The following MYH3 variants were observed in gnomAD, a reference collection of about 807,000 sequenced individuals.
The protein encoded by MYH3 is myosin-3.
Under a neutral mutation model 238.0 loss-of-function variants are expected in MYH3, and 130 were observed. The ratio of observed to expected loss-of-function variants is 0.55; its 90% CI spans 0.47 to 0.63. The LOEUF is 0.63. MYH3 is among the 30% of genes least tolerant of loss of function. The pLI is 0.00. For missense variants in MYH3, 1,853 were observed against 2,374.9 expected, an observed-to-expected ratio of 0.78 and a Z score of 4.57; for synonymous variants, 880 against 924.1, an observed-to-expected ratio of 0.95 and a Z score of 0.86.
the MYH3 span, among the ~76,000 whole-genome samples, chr17:10,670,149 G>T: frequency 6.6e-6 from 1 of 152,140 alleles, no homozygotes; most frequent in Admixed American, 6.5e-5. This position sits in a 1 kb window ranked among gnomAD's most constrained non-coding sequence, Gnocchi z 7.0. Flanking sequence ...ATAGGCTTGA[G>T]TTCCGAAATG....
chr17:10,651,184 C>CA (rs35638998), intron 5 of MYH3, among the ~76,000 whole-genome samples: 6,777 of 105,952 alleles, frequency 0.064, 710 homozygotes, highest in African/African-American at 0.21. Flanking sequence ...GACTCCATCT[C>CA]AAAAAAAAAA....
chr17:10,667,496 A>G, the MYH3 span, among the ~76,000 whole-genome samples: 2 of 152,138 alleles, frequency 1.3e-5, no homozygotes, highest in East Asian at 3.9e-4. Context: ...AGCCTGGCCA[A>G]CGTGGTAAAA....
At chr17:10,637,601 C>T (rs1597484687) in intron 28 of MYH3, among the ~76,000 whole-genome samples, 1 of 152,278 alleles carries the variant, frequency 6.6e-6, no homozygotes, top group South Asian at 2.1e-4. Flanking sequence ...ACTCCTCTTT[C>T]TCTCTTATTC....
At position 10,631,623 on chromosome 17, in the gene MYH3, C is replaced by T. The variant is rs377092561; in HGVS notation, c.5274G>A (p.Lys1758=). The T allele has an allele frequency of 3.0e-4, 478 of 1,614,138 alleles. 1 individual carries two copies. The Middle Eastern group carries it at 3.1e-3, about 11-fold the overall frequency. ...GGAGACGCCTTACGTCCGTGATGGC[C>T]TTCTTGGCCTTCTCCTCAGCGTTCC... ...DARNAEEKAK[K]AITDAAMMAE... is the part of the protein sequence containing the mutation. The change falls in exon 36 of 41, where the codon AAG becomes AAA. Residue 1758 remains lysine, a synonymous_variant. Coordinates refer to ENST00000583535, the MANE Select transcript of MYH3 (RefSeq NM_002470.4).
rs2074243004 is a variant in MYH3 at position 10,638,908 on chromosome 17, C to T, written c.3304G>A (p.Gly1102Ser). ...TTGATTTTCTTCTGAAACTGGAGGC[C>T]CAGTGTCTGCTCATCTTCCACTTTG... The part of the protein sequence containing the change: ...QSKVEDEQTL[G>S]LQFQKKIKEL... Residue 1102 changes from glycine (G) to serine (S), a missense_variant, in exon 26 of 41, where the codon GGC (glycine) becomes AGC (serine). Around this residue, in one of 3 missense-constraint regions of MYH3, gnomAD observed 1,044 missense variants for 1,192.6 expected, o/e 0.88. Transcript: ENST00000583535. The T allele has an allele frequency of 1.2e-6, 2 of 1,614,102 alleles. No individual in the cohort carries two copies. The highest frequency in any genetic ancestry group is 8.5e-7 in the Non-Finnish European group (1 of 1,180,004).
chr17:10,651,166 C>T (rs997702706), intron 5 of MYH3, among the ~76,000 whole-genome samples: 2 of 115,954 alleles, frequency 1.7e-5, no homozygotes, highest in African/African-American at 6.7e-5. Flanking sequence ...GCCTGGGCAA[C>T]ATAGCAAGAC....
rs1434706615 is a variant in MYH3, at chr17:10,654,723, GC to G, written c.204+137del. The G allele has an allele frequency of 1.2e-6, 1 of 826,506 alleles. No homozygotes were observed. The highest frequency in any genetic ancestry group is 2.4e-5 in the East Asian group (1 of 41,128). 51.2% of individuals were successfully genotyped at this position (826,506 alleles called of 1,614,324 possible). A position where few individuals can be genotyped will look rare whatever the true frequency, so the allele number is the denominator to read the frequency against. ...TGCTTTCTCTGAGGATACCTGGGAAGCCCCAGGCTACATTGTATGCGGCATT... is the reference window on the plus strand; with the variant it reads ...TGCTTTCTCTGAGGATACCTGGGAAGCCCAGGCTACATTGTATGCGGCATT... On this transcript the variant is annotated intron_variant, in intron 3 of 40. Transcript: ENST00000583535. This position sits in a 1 kb window ranked among gnomAD's most constrained non-coding sequence, Gnocchi z 4.5.
At chr17:10,650,280 CT>C in intron 6 of MYH3, 93 bp downstream of exon 6, 2 of 1,368,236 alleles carry the variant, frequency 1.5e-6, no homozygotes, top group South Asian at 1.2e-5. Flanking sequence ...CCAGCCTGAT[CT>C]TTTTATTATA....
At chr17:10,632,135 G>A (rs1304913547) in intron 34 of MYH3, 119 bp from the exon 35 acceptor site, 15 of 1,317,034 alleles carry the variant, frequency 1.1e-5, no homozygotes, top group Non-Finnish European at 1.6e-5. Flanking sequence ...TGTTTTGTTT[G>A]TTTTGAGACA....
At chr17:10,659,726 A>G (rs1360984136), upstream of MYH3, among the ~76,000 whole-genome samples, 1 of 152,176 alleles carries the variant, frequency 6.6e-6, no homozygotes, top group Non-Finnish European at 1.5e-5. Context: ...ATGAGGGAGA[A>G]AGAACACCCT....
chr17:10,640,385 C>CA lies in MYH3; in HGVS notation c.2373dup (p.Val792CysfsTer56). Reference sequence around the variant, plus strand: ...ACACGCATGAGGAACCCTCTGCACACAGCTTGTGTCCGGGTGATTAGTTTG... The same window carrying CA: ...ACACGCATGAGGAACCCTCTGCACACAAGCTTGTGTCCGGGTGATTAGTTTG... On this transcript the variant is annotated frameshift_variant, in exon 21 of 41. Coordinates refer to ENST00000583535, the MANE Select transcript of MYH3 (RefSeq NM_002470.4). LOFTEE classifies it high-confidence loss of function. 1 of 1,614,268 alleles carries CA rather than the reference C, an allele frequency of 6.2e-7. No individual in the cohort carries two copies. The highest frequency in any genetic ancestry group is 8.5e-7 in the Non-Finnish European group (1 of 1,180,048).
chr17:10,672,134 T>C, the MYH3 span, among the ~76,000 whole-genome samples: 4 of 152,186 alleles, frequency 2.6e-5, no homozygotes, highest in Non-Finnish European at 5.9e-5. Context: ...GCAGTGGGTA[T>C]TGTAAAACTC....
chr17:10,659,571 A>G (rs1597497587), upstream of MYH3, among the ~76,000 whole-genome samples: 1 of 152,202 alleles, frequency 6.6e-6, no homozygotes, highest in Non-Finnish European at 1.5e-5. Flanking sequence ...AGTGCTCCAC[A>G]TGGAGATGGC....
intron 12 of MYH3, 21 bp downstream of exon 12, chr17:10,645,686 G>A: frequency 6.2e-7 from 1 of 1,611,866 alleles, no homozygotes; most frequent in Middle Eastern, 2.2e-4. Context: ...GCTCTGGTTT[G>A]CTGTCACACT....
At chr17:10,653,400 C>T (rs2074397595) in intron 3 of MYH3, among the ~76,000 whole-genome samples, 1 of 152,146 alleles carries the variant, frequency 6.6e-6, no homozygotes, top group Non-Finnish European at 1.5e-5. Context: ...AAGCAGCTGT[C>T]CAGCCCCCGG....
In MYH3 at chr17:10,640,408, T is replaced by G. The variant is rs963781133; in HGVS notation, c.2351A>C (p.Lys784Thr). ...LEEMRDDRLAKLITRTQAVCR... is the reference protein window; with the variant it reads ...LEEMRDDRLATLITRTQAVCR... ...CACAGCTTGTGTCCGGGTGATTAGTTTGGCCAGGCGGTCATCCCGCATCTC... is the reference window on the plus strand; with the variant it reads ...CACAGCTTGTGTCCGGGTGATTAGTGTGGCCAGGCGGTCATCCCGCATCTC... The change falls in exon 21 of 41, where the codon AAA becomes ACA. Residue 784 changes from lysine (K) to threonine (T), a missense_variant. Lys to Thr is a moderately conservative substitution (Grantham distance 78). Transcript: ENST00000583535. The G allele has an allele frequency of 6.2e-7, 1 of 1,614,112 alleles. No homozygotes were observed. Among genetic ancestry groups the G allele is most frequent in the Non-Finnish European group, 8.5e-7 (1 of 1,180,054 alleles).
At chr17:10,635,948 G>T in intron 28 of MYH3, 95 bp from the exon 29 acceptor site, 2 of 1,024,724 alleles carry the variant, frequency 2.0e-6, no homozygotes, top group Non-Finnish European at 3.1e-6. Flanking sequence ...GATCTGGGGA[G>T]ACAGAAAATG....
chr17:10,645,376 G>A lies in MYH3; in HGVS notation c.1141+331C>T, dbSNP rs545266385. Among the ~76,000 whole-genome samples the A allele has an allele frequency of 7.2e-5, 11 of 152,122 alleles. No homozygotes were observed. In the South Asian group the frequency reaches 8.3e-4, roughly 11 times the overall value. On this transcript the variant is annotated intron_variant, in intron 12 of 40. Coordinates refer to ENST00000583535, the MANE Select transcript of MYH3 (RefSeq NM_002470.4). Reference sequence around the variant, plus strand: ...GAACCCAGGCAGCAGAGGTTGCAGTGAGCTGAGATCATGCCACTGCACTCT... The same window carrying A: ...GAACCCAGGCAGCAGAGGTTGCAGTAAGCTGAGATCATGCCACTGCACTCT...
At chr17:10,669,319 CAGG>C in the MYH3 span, among the ~76,000 whole-genome samples, 1 of 152,036 alleles carries the variant, frequency 6.6e-6, no homozygotes, top group Non-Finnish European at 1.5e-5. Flanking sequence ...TTGGGAGGCC[CAGG>C]CAGGCAGATC....
Sources: allele counts gnomAD v4.1 joint callset (sites outside exome capture counted in the v4.1 genomes callset), GRCh38; gene constraint gnomAD v4.1.1; regional missense constraint gnomAD v4.1.1; non-coding constraint Gnocchi (gnomAD v3.1); transcripts MANE v1.5; gene names NCBI Gene and HGNC (gene_info 2026-07-23, HGNC 2026-07-21).